GALNT13: variants seen among roughly 807,000 people sequenced by gnomAD.
GALNT13 encodes the protein UDP-GalNAc:polypeptide N-acetylgalactosaminyltransferase 13.
In GALNT13, 28 loss-of-function variants were observed where a neutral mutation model predicts 64.2. The observed-to-expected ratio is 0.44, with a 90% confidence interval of 0.32 to 0.60. GALNT13 has a LOEUF of 0.60. Ranked by LOEUF, GALNT13 falls within the 20% of genes least tolerant of loss-of-function variation. The pLI is 0.05. For missense variants in GALNT13, 577 were observed against 669.8 expected (o/e 0.86, Z 1.53); for synonymous variants, 214 against 224.6 (o/e 0.95, Z 0.42).
chr2:153,916,797 A>G (rs1689380072), intron 2 of GALNT13, among the ~76,000 whole-genome samples: 1 of 152,174 alleles, frequency 6.6e-6, no homozygotes, highest in South Asian at 2.1e-4. Flanking sequence ...TACAAAGGCA[A>G]CTAACCTTGT....
the GALNT13 span, among the ~76,000 whole-genome samples, chr2:153,597,648 GA>G: frequency 6.6e-6 from 1 of 151,908 alleles, no homozygotes; most frequent in Admixed American, 6.6e-5. Context: ...TCATAATTAA[GA>G]AAAATTATGC....
intron 3 of GALNT13, among the ~76,000 whole-genome samples, chr2:154,115,341 T>C (rs1703233960): frequency 6.6e-6 from 1 of 152,188 alleles, no homozygotes; most frequent in South Asian, 2.1e-4. Context: ...TTAGGGTACA[T>C]GTGCACAATG....
chr2:154,132,582 G>A (rs1682680449), intron 3 of GALNT13, among the ~76,000 whole-genome samples: 1 of 152,034 alleles, frequency 6.6e-6, no homozygotes, highest in Non-Finnish European at 1.5e-5. Context: ...GCATATACAA[G>A]CTACTTTAAT....
the GALNT13 span, among the ~76,000 whole-genome samples, chr2:153,402,928 C>T: frequency 1.5e-4 from 23 of 152,342 alleles, no homozygotes; most frequent in African/African-American, 4.3e-4. Context: ...ACTCTCAGCT[C>T]GTCAAAGTCA....
At chr2:154,006,915 C>T (rs1178437770) in intron 3 of GALNT13, among the ~76,000 whole-genome samples, 1 of 152,088 alleles carries the variant, frequency 6.6e-6, no homozygotes, top group Non-Finnish European at 1.5e-5. Context: ...TTTGTCATTC[C>T]CTCCCTTTGA....
intron 10 of GALNT13, among the ~76,000 whole-genome samples, chr2:154,404,616 G>T (rs758525073): frequency 6.6e-6 from 1 of 152,056 alleles, no homozygotes; most frequent in Non-Finnish European, 1.5e-5. Flanking sequence ...AATGGGAGAA[G>T]TACTTTGCAG....
the GALNT13 span, among the ~76,000 whole-genome samples, chr2:153,465,092 T>C: frequency 5.3e-5 from 8 of 152,134 alleles, no homozygotes; most frequent in African/African-American, 1.9e-4. Context: ...ACAGGATCAA[T>C]CAGCATTCAG....
the GALNT13 span, chr2:153,208,273 T>C: frequency 3.9e-5 from 6 of 152,280 alleles, no homozygotes; most frequent in South Asian, 2.1e-4. Context: ...TTCTAAAAGT[T>C]TTCCCATTTC....
the GALNT13 span, among the ~76,000 whole-genome samples, chr2:153,466,300 C>T: frequency 6.6e-6 from 1 of 151,954 alleles, no homozygotes; most frequent in African/African-American, 2.4e-5. Flanking sequence ...AAATGTAATC[C>T]CCCCTGACTG....
chr2:153,336,983 A>T, the GALNT13 span, among the ~76,000 whole-genome samples: 1 of 151,624 alleles, frequency 6.6e-6, no homozygotes. Flanking sequence ...TTTCTTTCTC[A>T]TTTTTTTCTT....
the GALNT13 span, among the ~76,000 whole-genome samples, chr2:153,630,805 A>T: frequency 0.082 from 1,221 of 14,916 alleles, 34 homozygotes; most frequent in South Asian, 0.16. Flanking sequence ...ATATATATAT[A>T]TATTTTTTTT....
chr2:153,723,255 C>G, the GALNT13 span, among the ~76,000 whole-genome samples: 4 of 148,026 alleles, frequency 2.7e-5, no homozygotes, highest in South Asian at 2.2e-4. Context: ...ATTCAACAAC[C>G]CTTCATGCTA....
intron 10 of GALNT13, among the ~76,000 whole-genome samples, chr2:154,406,862 C>G (rs1158001630): frequency 1.3e-5 from 2 of 152,150 alleles, no homozygotes. Context: ...TTTCCTGATA[C>G]TACTACTCAA....
At chr2:153,689,295 A>C in the GALNT13 span, among the ~76,000 whole-genome samples, 1 of 152,040 alleles carries the variant, frequency 6.6e-6, no homozygotes, top group Non-Finnish European at 1.5e-5. Context: ...CATGATATAT[A>C]AGATTAAGCA....
At chr2:153,103,211 C>T in the GALNT13 span, among the ~76,000 whole-genome samples, 7 of 152,200 alleles carry the variant, frequency 4.6e-5, no homozygotes, top group Admixed American at 2.0e-4. Context: ...CCACTGTCTA[C>T]CCCACTGACC....
At chr2:153,475,381 C>A in the GALNT13 span, among the ~76,000 whole-genome samples, 1 of 152,126 alleles carries the variant, frequency 6.6e-6, no homozygotes, top group Admixed American at 6.5e-5. Context: ...CAGGTTTTGG[C>A]TTGTTTCATG....
the GALNT13 span, among the ~76,000 whole-genome samples, chr2:153,840,765 G>A: frequency 4.0e-3 from 602 of 152,250 alleles, 4 homozygotes; most frequent in African/African-American, 0.014. Flanking sequence ...GGAGGCAACA[G>A]GGGGACTATA....
rs1253725774 is a variant in GALNT13, at chr2:154,451,151, A to C, written c.*600A>C. 6.6e-6 allele frequency: 1 copy of C among 152,150 alleles called. No individual in the cohort carries two copies. Among genetic ancestry groups the C allele is most frequent in the Non-Finnish European group, 1.5e-5 (1 of 68,026 alleles). The allele number at this position is 152,150 out of a possible 1,614,324, so 9.4% of individuals were successfully genotyped here. On this transcript the variant is annotated 3_prime_UTR_variant, in exon 13 of 13. Transcript: ENST00000392825. ...CATTTAAACCAATGTGAATTCAAAA[A>C]AGAGAAGGAAACTTTTTAAATTCAA...
At chr2:153,318,188 A>G in the GALNT13 span, among the ~76,000 whole-genome samples, 3 of 149,366 alleles carry the variant, frequency 2.0e-5, no homozygotes, top group African/African-American at 7.4e-5. Flanking sequence ...CCCATTCTGC[A>G]TATAAACATG....
Sources: gnomAD v4.1 joint callset for allele counts (sites outside exome capture counted in the v4.1 genomes callset) on GRCh38, gnomAD v4.1.1 for gene constraint, MANE v1.5 for transcripts, NCBI Gene and HGNC (gene_info 2026-07-23, HGNC 2026-07-21) for gene names.